The following LHPP variants were observed in gnomAD, a reference collection of about 807,000 sequenced individuals.
LHPP encodes the protein hLHPP.
LHPP carries 24 observed loss-of-function variants against 30.3 expected under a neutral mutation model. The observed-to-expected ratio is 0.79, with a 90% CI of 0.57 to 1.11. The LOEUF is 1.11. LHPP is among the 50% of genes most tolerant of loss of function. LHPP has a pLI of 0.00. For synonymous variants in LHPP, 150 were observed against 157.1 expected (o/e 0.95, Z 0.34); for missense variants, 356 against 367.2 (o/e 0.97, Z 0.25).
intron 5 of LHPP, among the ~76,000 whole-genome samples, chr10:124,501,119 T>C (rs1953884823): frequency 6.6e-6 from 1 of 151,816 alleles, no homozygotes; most frequent in African/African-American, 2.4e-5. Context: ...TGAACCTTGG[T>C]AGCATTATGC....
intron 6 of LHPP, among the ~76,000 whole-genome samples, chr10:124,534,069 T>C (rs1395840366): frequency 1.3e-5 from 2 of 151,146 alleles, no homozygotes; most frequent in African/African-American, 4.9e-5. Flanking sequence ...GTGGGGAGCT[T>C]GGGGGCAGTG....
At chr10:124,531,548 G>C (rs1830560021) in intron 6 of LHPP, among the ~76,000 whole-genome samples, 1 of 152,242 alleles carries the variant, frequency 6.6e-6, no homozygotes, top group Non-Finnish European at 1.5e-5. Flanking sequence ...CCGTCCTGGA[G>C]CACTTCCCTG....
rs749488447 is a variant in LHPP at position 124,524,414 on chromosome 10, T to A, written c.716+7143T>A. On this transcript the variant is annotated intron_variant, in intron 6 of 6. Transcript: ENST00000368842. ...GCCTCAGCCTCCCAAGTAGCTGGGA[T>A]TATAGCCACGCACCACCATGCCCAA... is the stretch of plus-strand genomic sequence containing the variant. Among the ~76,000 whole-genome samples, 71 of 151,780 alleles carry A rather than the reference T, an allele frequency of 4.7e-4. 1 individual carries two copies. Among genetic ancestry groups the A allele is most frequent in the Admixed American group, 1.5e-3 (23 of 15,234 alleles).
intron 3 of LHPP, among the ~76,000 whole-genome samples, chr10:124,493,332 C>T (rs1451544781): frequency 1.3e-5 from 2 of 152,270 alleles, no homozygotes; most frequent in Non-Finnish European, 2.9e-5. Flanking sequence ...CTGCCATCAC[C>T]ATGCCGTCCT....
intron 5 of LHPP, among the ~76,000 whole-genome samples, chr10:124,505,125 G>A (rs1483004861): frequency 6.6e-6 from 1 of 152,124 alleles, no homozygotes; most frequent in Non-Finnish European, 1.5e-5. Flanking sequence ...CTTGACAGTG[G>A]AGTAGCAGCT....
At chr10:124,466,062 A>G (rs1195517210) in intron 1 of LHPP, among the ~76,000 whole-genome samples, 1 of 152,162 alleles carries the variant, frequency 6.6e-6, no homozygotes, top group Admixed American at 6.6e-5. Context: ...CTCGTGTGAG[A>G]AAGGACACAA....
At chr10:124,462,103 G>C in intron 1 of LHPP, 116 bp downstream of exon 1, 1 of 985,784 alleles carries the variant, frequency 1.0e-6, no homozygotes, top group Non-Finnish European at 1.3e-6. Flanking sequence ...GCCCCGCCTC[G>C]GTCTCCCCCT....
intron 1 of LHPP, among the ~76,000 whole-genome samples, chr10:124,481,373 CTTTTT>C (rs34839158): frequency 2.4e-5 from 2 of 85,024 alleles, no homozygotes; most frequent in Non-Finnish European, 4.4e-5. Context: ...TATCTGCCCC[CTTTTT>C]TTTTTTTTTT....
At chr10:124,539,086 G>A (rs552791117) in intron 6 of LHPP, among the ~76,000 whole-genome samples, 1 of 152,298 alleles carries the variant, frequency 6.6e-6, no homozygotes, top group South Asian at 2.1e-4. Context: ...AGAGAATCGG[G>A]TGATTTGAGG....
At chr10:124,524,174 C>T (rs1017748000) in intron 6 of LHPP, among the ~76,000 whole-genome samples, 1 of 152,124 alleles carries the variant, frequency 6.6e-6, no homozygotes, top group African/African-American at 2.4e-5. Context: ...AAAAAGAAGC[C>T]TCAAATCGTT....
At chr10:124,553,541 C>T (rs1589859353) in intron 6 of LHPP, among the ~76,000 whole-genome samples, 2 of 144,046 alleles carry the variant, frequency 1.4e-5, no homozygotes, top group African/African-American at 5.1e-5. Context: ...TCACTGCAAG[C>T]TCCGCCTCCC....
At chr10:124,545,445 G>A (rs1013607612) in intron 6 of LHPP, among the ~76,000 whole-genome samples, 13 of 152,210 alleles carry the variant, frequency 8.5e-5, no homozygotes, top group African/African-American at 1.2e-4. Flanking sequence ...CGGTGCCCAC[G>A]GCAGCCCATG....
chr10:124,610,780 T>C lies in LHPP; in HGVS notation c.717-2484T>C, dbSNP rs1270857420. Among the ~76,000 whole-genome samples the C allele has an allele frequency of 1.0e-3, 89 of 88,136 alleles. 1 individual carries two copies. The highest frequency in any genetic ancestry group is 1.3e-3 in the Non-Finnish European group (56 of 42,838). 57.8% of individuals were successfully genotyped at this position (88,136 alleles called of 152,430 possible). Reference sequence around the variant, plus strand: ...GTGAGGGTGCGGGTGAGGGTGCTGATGGAGCGGGTGAGGGTGCGGGTGAGG... The same window carrying C: ...GTGAGGGTGCGGGTGAGGGTGCTGACGGAGCGGGTGAGGGTGCGGGTGAGG... On this transcript the variant is annotated intron_variant, in intron 6 of 6. Coordinates refer to ENST00000368842, the MANE Select transcript of LHPP (RefSeq NM_022126.4).
chr10:124,484,387 G>A lies in LHPP; in HGVS notation c.313+61G>A, dbSNP rs750848486. On this transcript the variant is annotated intron_variant, in intron 2 of 6. Transcript: ENST00000368842. Reference sequence around the variant, plus strand: ...AAAGCTCCCCTTTCCCAGGGTGGGGGCTGTGCAGAGAGCCTCTTTCACTGG... The same window carrying A: ...AAAGCTCCCCTTTCCCAGGGTGGGGACTGTGCAGAGAGCCTCTTTCACTGG... The A allele has an allele frequency of 9.0e-4, 1,355 of 1,498,074 alleles. 3 individuals are homozygous for A. The highest frequency in any genetic ancestry group is 1.0e-3 in the Non-Finnish European group (1,139 of 1,087,900). 92.8% of individuals were successfully genotyped at this position (1,498,074 alleles called of 1,614,324 possible).
At chr10:124,480,599 C>T (rs900028091) in intron 1 of LHPP, among the ~76,000 whole-genome samples, 3 of 152,160 alleles carry the variant, frequency 2.0e-5, no homozygotes, top group African/African-American at 4.8e-5. Context: ...GCAAATCACA[C>T]GTTCCAGGTG....
At chr10:124,605,315 A>C (rs1299228182) in intron 6 of LHPP, 2 of 144,016 alleles carry the variant, frequency 1.4e-5, no homozygotes, top group Non-Finnish European at 3.1e-5. Context: ...GCTCTGGGTC[A>C]GGCCTGTGGG....
chr10:124,589,990 C>G (rs1023929843), intron 6 of LHPP, among the ~76,000 whole-genome samples: 2 of 152,266 alleles, frequency 1.3e-5, no homozygotes, highest in African/African-American at 4.8e-5. Flanking sequence ...AGGCCAAATC[C>G]TTTCAGGAAA....
At chr10:124,476,009 C>G (rs1952933157) in intron 1 of LHPP, among the ~76,000 whole-genome samples, 1 of 152,130 alleles carries the variant, frequency 6.6e-6, no homozygotes, top group South Asian at 2.1e-4. Context: ...TCAACATGTC[C>G]CTGTGATCTG....
In LHPP at chr10:124,510,998, G is replaced by A. The variant is rs1954282431; in HGVS notation, c.625-6182G>A. Reference sequence around the variant, plus strand: ...ACTGGTGCTGGTCCCATTCCCGGGAGCACGCGGTGCCACTGGCTGTGTCTT... The same window carrying A: ...ACTGGTGCTGGTCCCATTCCCGGGAACACGCGGTGCCACTGGCTGTGTCTT... On this transcript the variant is annotated intron_variant, in intron 5 of 6. Transcript: ENST00000368842. The surrounding 1 kb of genome is among the most constrained non-coding windows in gnomAD (Gnocchi z 4.0). Among the ~76,000 whole-genome samples, 1 of 152,240 alleles carries A rather than the reference G, an allele frequency of 6.6e-6. No individual in the cohort carries two copies. The highest frequency in any genetic ancestry group is 1.5e-5 in the Non-Finnish European group (1 of 68,044).
Sources: allele counts gnomAD v4.1 joint callset (sites outside exome capture counted in the v4.1 genomes callset), GRCh38; gene constraint gnomAD v4.1.1; non-coding constraint Gnocchi (gnomAD v3.1); transcripts MANE v1.5; gene names NCBI Gene and HGNC (gene_info 2026-07-23, HGNC 2026-07-21).